The following RORA variants were observed in gnomAD, a reference collection of about 807,000 sequenced individuals.
The protein encoded by RORA is RAR related orphan receptor A.
RORA carries 7 observed loss-of-function variants against 69.5 expected under a neutral mutation model. That is an observed-to-expected ratio of 0.10 (90% CI 0.06 to 0.19). The LOEUF is 0.19. Ranked by LOEUF, RORA falls within the 10% of genes least tolerant of loss-of-function variation. RORA has a pLI of 1.00. For synonymous variants in RORA, 261 were observed against 240.8 expected (o/e 1.08, Z -0.78); for missense variants, 457 against 663.0 (o/e 0.69, Z 3.41).
At position 60,703,287 on chromosome 15, in the gene RORA, A is replaced by G. The variant is rs150131086; in HGVS notation, c.167-24601T>C. On this transcript the variant is annotated intron_variant, in intron 1 of 10. Transcript: ENST00000335670. ...TCGCAGGGTTAAGGGCTTTACCCTC[A>G]ACGCCCATGGAAGCAATGTTAGGTT... Among the ~76,000 whole-genome samples the G allele has an allele frequency of 3.5e-4, 53 of 152,294 alleles. No individual in the cohort carries two copies. In the East Asian group the frequency reaches 9.4e-3, roughly 27 times the overall value.
intron 2 of RORA, among the ~76,000 whole-genome samples, chr15:60,659,456 T>C (rs891460224): frequency 6.6e-6 from 1 of 152,200 alleles, no homozygotes; most frequent in South Asian, 2.1e-4. Flanking sequence ...GGGAAAAAAT[T>C]TAAAACAAGA....
At position 61,046,073 on chromosome 15, in the gene RORA, T is replaced by C. The variant is rs1293514085; in HGVS notation, c.166+182980A>G. Reference sequence around the variant, plus strand: ...AGGACTGAGAAATCCGGGGACAGGATAGATCAACGGAGAAAAGGGGAGGAA... The same window carrying C: ...AGGACTGAGAAATCCGGGGACAGGACAGATCAACGGAGAAAAGGGGAGGAA... On this transcript the variant is annotated intron_variant, in intron 1 of 10. Coordinates refer to ENST00000335670, the MANE Select transcript of RORA (RefSeq NM_134261.3). Among the ~76,000 whole-genome samples, 10 of 151,762 alleles carry C rather than the reference T, an allele frequency of 6.6e-5. No individual in the cohort carries two copies. In the East Asian group the frequency reaches 9.7e-4, roughly 15 times the overall value.
chr15:60,575,918 T>A (rs1457458925), intron 2 of RORA, among the ~76,000 whole-genome samples: 1 of 152,276 alleles, frequency 6.6e-6, no homozygotes, highest in Non-Finnish European at 1.5e-5. Flanking sequence ...TAACCACGAA[T>A]GGGCATGTAG....
At chr15:60,629,311 C>G (rs890866026) in intron 2 of RORA, among the ~76,000 whole-genome samples, 2 of 151,054 alleles carry the variant, frequency 1.3e-5, no homozygotes, top group Non-Finnish European at 2.9e-5. Context: ...CTCAGTCTCC[C>G]AAGTAGCTGG....
At chr15:60,728,312 C>A (rs960027125) in intron 1 of RORA, among the ~76,000 whole-genome samples, 6 of 152,108 alleles carry the variant, frequency 3.9e-5, no homozygotes, top group African/African-American at 1.4e-4. Context: ...TCTTACCGTT[C>A]AACAATATTA....
chr15:60,704,027 A>G (rs1353575125), intron 1 of RORA, among the ~76,000 whole-genome samples: 5 of 152,220 alleles, frequency 3.3e-5, no homozygotes, highest in African/African-American at 1.2e-4. Context: ...TGACGGGTAC[A>G]ATAAAATGAA....
chr15:60,645,847 C>T (rs2070033080), intron 2 of RORA, among the ~76,000 whole-genome samples: 1 of 150,146 alleles, frequency 6.7e-6, no homozygotes, highest in Non-Finnish European at 1.5e-5. Context: ...TATATGTTAT[C>T]ATACATATAT....
At chr15:60,862,058 T>C (rs1199522122) in intron 1 of RORA, among the ~76,000 whole-genome samples, 1 of 152,242 alleles carries the variant, frequency 6.6e-6, no homozygotes, top group Admixed American at 6.5e-5. Context: ...CCCATGAATA[T>C]ACCATCTTCC....
At position 60,770,716 on chromosome 15, in the gene RORA, G is replaced by T. The variant is rs2072060836; in HGVS notation, c.167-92030C>A. Among the ~76,000 whole-genome samples the T allele has an allele frequency of 2.6e-5, 4 of 152,116 alleles. 1 individual carries two copies. The highest frequency in any genetic ancestry group is 2.6e-4 in the Admixed American group (4 of 15,264). ...TAGTGCACTGCAGCCTCAAACTCCTGGGCACAAGAGATCCTCCTGCCTCAG... is the reference window on the plus strand; with the variant it reads ...TAGTGCACTGCAGCCTCAAACTCCTTGGCACAAGAGATCCTCCTGCCTCAG... On this transcript the variant is annotated intron_variant, in intron 1 of 10. Coordinates refer to ENST00000335670, the MANE Select transcript of RORA (RefSeq NM_134261.3).
At chr15:60,907,676 G>A (rs953885154) in intron 1 of RORA, among the ~76,000 whole-genome samples, 3 of 152,152 alleles carry the variant, frequency 2.0e-5, no homozygotes, top group Admixed American at 1.3e-4. Context: ...GATAAAAGGA[G>A]GAGCCCTGGG....
intron 1 of RORA, among the ~76,000 whole-genome samples, chr15:60,798,976 C>T (rs1206059551): frequency 2.7e-5 from 4 of 149,058 alleles, no homozygotes; most frequent in African/African-American, 5.0e-5. Context: ...TGTATTATGG[C>T]GTGGGCTGAT....
At chr15:61,119,078 A>G (rs959905143) in intron 1 of RORA, among the ~76,000 whole-genome samples, 1 of 12,074 alleles carries the variant, frequency 8.3e-5, no homozygotes, top group Non-Finnish European at 4.4e-4. Flanking sequence ...TGCAGTTAAC[A>G]GAAGGGGGGG....
chr15:60,688,527 G>A (rs1323150813), intron 1 of RORA, among the ~76,000 whole-genome samples: 1 of 152,174 alleles, frequency 6.6e-6, no homozygotes, highest in African/African-American at 2.4e-5. Flanking sequence ...ACATCTCTCT[G>A]TGACTGTTAG....
intron 1 of RORA, among the ~76,000 whole-genome samples, chr15:60,837,761 A>G (rs1253874380): frequency 6.6e-6 from 1 of 152,156 alleles, no homozygotes; most frequent in Non-Finnish European, 1.5e-5. Flanking sequence ...CGGCTCCACT[A>G]AACAAGTTAG....
intron 2 of RORA, among the ~76,000 whole-genome samples, chr15:60,602,567 G>A (rs1179981633): frequency 6.6e-6 from 1 of 152,202 alleles, no homozygotes; most frequent in East Asian, 1.9e-4. Flanking sequence ...AAGAAAACAT[G>A]TTTTATATGT....
At chr15:60,648,797 C>G (rs1175097308) in intron 2 of RORA, among the ~76,000 whole-genome samples, 1 of 152,158 alleles carries the variant, frequency 6.6e-6, no homozygotes, top group Non-Finnish European at 1.5e-5. Context: ...TAAGCACCAT[C>G]CACTCTTTTT....
At chr15:60,656,746 C>A (rs2070227407) in intron 2 of RORA, among the ~76,000 whole-genome samples, 1 of 152,164 alleles carries the variant, frequency 6.6e-6, no homozygotes, top group South Asian at 2.1e-4. Flanking sequence ...TCCAGGCAAG[C>A]CAAATCAAAT....
intron 1 of RORA, among the ~76,000 whole-genome samples, chr15:60,680,336 G>A (rs1276098085): frequency 2.0e-5 from 3 of 152,094 alleles, no homozygotes; most frequent in Non-Finnish European, 4.4e-5. Flanking sequence ...ATCTATATTC[G>A]CTGAGTGTGG....
Position 60,503,712 on chromosome 15 carries a change from G to A in RORA, c.943-45C>T, listed in dbSNP as rs780337456. 18 of 1,605,514 alleles carry A rather than the reference G, an allele frequency of 1.1e-5. No homozygotes were observed. In the South Asian group the frequency reaches 1.9e-4, roughly 17 times the overall value. ...ATTAACATCCTCCAGGAAGATGTTA[G>A]CTTTTGTAGCAGAAGCTGCAGAGTT... On this transcript the variant is annotated intron_variant, in intron 6 of 10. Coordinates refer to ENST00000335670, the MANE Select transcript of RORA (RefSeq NM_134261.3).
Sources: allele counts gnomAD v4.1 joint callset (sites outside exome capture counted in the v4.1 genomes callset), GRCh38; gene constraint gnomAD v4.1.1; transcripts MANE v1.5; gene names NCBI Gene and HGNC (gene_info 2026-07-23, HGNC 2026-07-21).